Variants in RSPO2 observed in about 807,000 individuals in gnomAD.
RSPO2 encodes R-spondin 2.
Under a neutral mutation model 30.9 loss-of-function variants are expected in RSPO2, and 14 were observed. That is an observed-to-expected ratio of 0.45 (90% confidence interval 0.30 to 0.71). RSPO2 has a LOEUF of 0.71. RSPO2 is among the 30% of genes least tolerant of loss of function. RSPO2 has a pLI of 0.08. For missense variants in RSPO2, 264 were observed against 301.9 expected (o/e 0.87, Z 0.93); for synonymous variants, 107 against 96.4 (o/e 1.11, Z -0.64).
chr8:107,969,927 T>C (rs1813938149), intron 3 of RSPO2, among the ~76,000 whole-genome samples: 1 of 152,166 alleles, frequency 6.6e-6, no homozygotes, highest in South Asian at 2.1e-4. Flanking sequence ...TGCATCTTAG[T>C]TGGATTTTTC....
At chr8:107,921,277 TACACACAC>T (rs71308759) in intron 5 of RSPO2, among the ~76,000 whole-genome samples, 14,448 of 148,536 alleles carry the variant, frequency 0.097, 790 homozygotes, top group South Asian at 0.17. Flanking sequence ...TAGCAGATTT[TACACACAC>T]ACACACACAC....
intron 2 of RSPO2, among the ~76,000 whole-genome samples, chr8:108,023,817 T>C (rs765036151): frequency 2.0e-5 from 3 of 152,132 alleles, no homozygotes; most frequent in Middle Eastern, 3.2e-3. Context: ...CTTGTGTTCT[T>C]TAAGGTCTGT....
intron 2 of RSPO2, among the ~76,000 whole-genome samples, chr8:108,025,363 G>A (rs1328730095): frequency 6.6e-6 from 1 of 152,196 alleles, no homozygotes; most frequent in Non-Finnish European, 1.5e-5. Context: ...GATGGAACAT[G>A]TCAAACAGAG....
intron 5 of RSPO2, among the ~76,000 whole-genome samples, chr8:107,907,922 A>G (rs1811704116): frequency 6.6e-6 from 1 of 152,084 alleles, no homozygotes; most frequent in Admixed American, 6.6e-5. Flanking sequence ...CAGATCTGTT[A>G]CCCACTTTGT....
At chr8:107,987,179 C>CCT (rs1165099498) in intron 3 of RSPO2, among the ~76,000 whole-genome samples, 2 of 152,076 alleles carry the variant, frequency 1.3e-5, no homozygotes, top group Non-Finnish European at 2.9e-5. Flanking sequence ...AGTTACCAGG[C>CCT]CCCACTGGTT....
At position 107,956,414 on chromosome 8, in the gene RSPO2, A is replaced by G. The variant is rs559398448; in HGVS notation, c.616+1666T>C. Among the ~76,000 whole-genome samples the G allele has an allele frequency of 5.3e-5, 8 of 152,342 alleles. No homozygotes were observed. The East Asian group carries it at 9.6e-4, about 18-fold the overall frequency. ...GTCAAAAAGAGAATATTAGCAGATG[A>G]TACATAAGCATTTGTTTTGGCGTAA... is the stretch of plus-strand genomic sequence containing the variant. On this transcript the variant is annotated intron_variant, in intron 5 of 5. Transcript: ENST00000276659.
chr8:108,067,055 AGAG>A (rs960187328), intron 2 of RSPO2, among the ~76,000 whole-genome samples: 1 of 152,246 alleles, frequency 6.6e-6, no homozygotes, highest in African/African-American at 2.4e-5. Flanking sequence ...AACAACCCCA[AGAG>A]GAGAACACAT....
At chr8:108,014,315 C>T (rs1054319736) in intron 2 of RSPO2, among the ~76,000 whole-genome samples, 2 of 152,064 alleles carry the variant, frequency 1.3e-5, no homozygotes, top group African/African-American at 4.8e-5. Context: ...ACCAGAAATA[C>T]CATTTGACCC....
intron 3 of RSPO2, among the ~76,000 whole-genome samples, chr8:107,984,887 CATT>C (rs1814572124): frequency 6.6e-6 from 1 of 152,178 alleles, no homozygotes; most frequent in African/African-American, 2.4e-5. Context: ...GTAGTACTAA[CATT>C]CTTTCTTGAC....
intron 5 of RSPO2, among the ~76,000 whole-genome samples, chr8:107,903,250 T>C (rs1174505896): frequency 3.3e-5 from 5 of 152,080 alleles, no homozygotes; most frequent in Admixed American, 1.3e-4. Flanking sequence ...TAAAAGCAAA[T>C]TGAAATTAAG....
At chr8:107,908,169 A>G (rs1357016680) in intron 5 of RSPO2, among the ~76,000 whole-genome samples, 2 of 152,150 alleles carry the variant, frequency 1.3e-5, no homozygotes, top group Non-Finnish European at 2.9e-5. Flanking sequence ...TCTGAAGAAA[A>G]TCTGTTCTTC....
rs575226364 is a variant in RSPO2 at position 107,952,861 on chromosome 8, T to A, written c.616+5219A>T. On this transcript the variant is annotated intron_variant, in intron 5 of 5. Transcript: ENST00000276659. ...AGTAGATTTTTGCAGAGATCAAGGT[T>A]CTAAGTAGCTAATACTTTCTTTTGT... 9.2e-5 allele frequency among the ~76,000 whole-genome samples: 14 copies of A among 152,270 alleles called. No individual in the cohort carries two copies. The South Asian group carries it at 2.7e-3, about 29-fold the overall frequency.
intron 3 of RSPO2, among the ~76,000 whole-genome samples, chr8:107,977,465 G>A (rs1814256680): frequency 6.6e-6 from 1 of 152,170 alleles, no homozygotes; most frequent in Admixed American, 6.5e-5. Context: ...ATATGAAGAG[G>A]TTTCAAAGCA....
chr8:107,923,943 G>C (rs1014229947), intron 5 of RSPO2, among the ~76,000 whole-genome samples: 1 of 152,070 alleles, frequency 6.6e-6, no homozygotes. Context: ...CCTATCGGGG[G>C]TTGAGAGTAG....
At chr8:107,957,102 A>G (rs1358443341) in intron 5 of RSPO2, among the ~76,000 whole-genome samples, 1 of 152,204 alleles carries the variant, frequency 6.6e-6, no homozygotes, top group Non-Finnish European at 1.5e-5. Context: ...TCCATGGATC[A>G]TAGACATTCT....
chr8:107,959,738 G>A (rs1813556112), intron 4 of RSPO2, among the ~76,000 whole-genome samples: 1 of 152,104 alleles, frequency 6.6e-6, no homozygotes, highest in Non-Finnish European at 1.5e-5. Context: ...TATTTTAATA[G>A]TGGTGCCTAT....
chr8:108,064,409 G>A (rs1161152506), intron 2 of RSPO2, among the ~76,000 whole-genome samples: 2 of 152,138 alleles, frequency 1.3e-5, no homozygotes, highest in East Asian at 1.9e-4. Context: ...GTAGCCAACA[G>A]GCACATGAAA....
intron 3 of RSPO2, among the ~76,000 whole-genome samples, chr8:107,977,427 T>A (rs55840555): frequency 0.13 from 20,021 of 152,234 alleles, 1,603 homozygotes; most frequent in Middle Eastern, 0.32. Context: ...GTGGTTCTGA[T>A]GCACACTTTG....
At chr8:108,031,706 C>A (rs1187464506) in intron 2 of RSPO2, among the ~76,000 whole-genome samples, 3 of 152,088 alleles carry the variant, frequency 2.0e-5, no homozygotes, top group Non-Finnish European at 1.5e-5. Flanking sequence ...GGTTAGTGAA[C>A]TTTGTTTCTG....
Sources: gnomAD v4.1 joint callset for allele counts (sites outside exome capture counted in the v4.1 genomes callset) on GRCh38, gnomAD v4.1.1 for gene constraint, MANE v1.5 for transcripts, NCBI Gene and HGNC (gene_info 2026-07-23, HGNC 2026-07-21) for gene names.